The following SLC45A4 variants were observed in gnomAD, a reference collection of about 807,000 sequenced individuals.
SLC45A4 encodes the protein polyamine-transporter SLC45A4.
SLC45A4 carries 32 observed loss-of-function variants against 63.7 expected under a neutral mutation model. The ratio of observed to expected loss-of-function variants is 0.50; its 90% confidence interval spans 0.38 to 0.67. SLC45A4 has a LOEUF of 0.67. Ranked by LOEUF, SLC45A4 falls within the 30% of genes least tolerant of loss-of-function variation. SLC45A4 has a pLI of 0.00. For synonymous variants in SLC45A4, 535 were observed against 510.0 expected, an observed-to-expected ratio of 1.05 and a Z score of -0.66; for missense variants, 1,027 against 1,157.7, an observed-to-expected ratio of 0.89 and a Z score of 1.64.
At chr8:141,243,700 T>C (rs58706622) in intron 2 of SLC45A4, among the ~76,000 whole-genome samples, 71,772 of 151,828 alleles carry the variant, frequency 0.47, 18,524 homozygotes, top group Non-Finnish European at 0.59. Flanking sequence ...GTACCGTCCA[T>C]TTACACAGAT....
rs12547917 is a variant in SLC45A4, at chr8:141,227,299, T to C, written c.242-5534A>G. 0.48 allele frequency among the ~76,000 whole-genome samples: 72,369 copies of C among 151,706 alleles called. 18,793 individuals are homozygous for C. Among genetic ancestry groups the C allele is most frequent in the Non-Finnish European group, 0.59 (40,033 of 67,902 alleles). On this transcript the variant is annotated intron_variant, in intron 2 of 8. Coordinates refer to ENST00000517878, the MANE Select transcript of SLC45A4 (RefSeq NM_001286646.2). The surrounding 1 kb of genome is among the most constrained non-coding windows in gnomAD (Gnocchi z 4.4). The stretch of plus-strand genomic sequence containing the variant: ...AGTGCCGTGTGTGATAAACTGGGAC[T>C]TTCTGGTGAGGGGAGACTGGCGGGG...
chr8:141,261,911 G>C, intron 1 of SLC45A4, among the ~76,000 whole-genome samples: 1 of 151,950 alleles, frequency 6.6e-6, no homozygotes, highest in Non-Finnish European at 1.5e-5. Flanking sequence ...AGCCTGCATC[G>C]CATCCTAAGC....
At chr8:141,276,395 T>A in intron 1 of SLC45A4, among the ~76,000 whole-genome samples, 1 of 152,102 alleles carries the variant, frequency 6.6e-6, no homozygotes, top group East Asian at 1.9e-4. Context: ...TGAAGCTCAG[T>A]AGGGAGAGCA....
chr8:141,269,191 C>T lies in SLC45A4; in HGVS notation c.-400-14562G>A, dbSNP rs531265390. 2.1e-4 allele frequency among the ~76,000 whole-genome samples: 32 copies of T among 152,362 alleles called. No homozygotes were observed. The South Asian group carries it at 6.6e-3, about 32-fold the overall frequency. On this transcript the variant is annotated intron_variant, in intron 1 of 8. Coordinates refer to ENST00000517878, the MANE Select transcript of SLC45A4 (RefSeq NM_001286646.2). ...TGGCGGGGCAGCTACTACGTCCCCGCTTTCACCCTCAAGAGTGTCCCAGTT... is the reference window on the plus strand; with the variant it reads ...TGGCGGGGCAGCTACTACGTCCCCGTTTTCACCCTCAAGAGTGTCCCAGTT...
At chr8:141,298,676 C>T (rs529122762) in intron 1 of SLC45A4, among the ~76,000 whole-genome samples, 12 of 152,306 alleles carry the variant, frequency 7.9e-5, no homozygotes, top group African/African-American at 2.6e-4. Context: ...GGCACAGCTG[C>T]CCATACCTGT....
intron 6 of SLC45A4, among the ~76,000 whole-genome samples, chr8:141,216,356 G>C: frequency 6.6e-6 from 1 of 152,282 alleles, no homozygotes; most frequent in Middle Eastern, 3.4e-3. Flanking sequence ...GTCCTGCCTC[G>C]GGAACACACA....
At chr8:141,212,084 A>C in intron 8 of SLC45A4, 113 bp downstream of exon 8, 1 of 1,414,304 alleles carries the variant, frequency 7.1e-7, no homozygotes, top group Non-Finnish European at 9.2e-7. Flanking sequence ...GGTCGGCCAC[A>C]GCATCTGCAG....
At chr8:141,245,568 G>C (rs957096377) in intron 2 of SLC45A4, among the ~76,000 whole-genome samples, 8 of 152,096 alleles carry the variant, frequency 5.3e-5, no homozygotes, top group Admixed American at 1.3e-4. Context: ...ACTCCCAGGA[G>C]ACCCCAAAAT....
At chr8:141,230,109 G>A (rs1490992612) in intron 2 of SLC45A4, 2 of 456,124 alleles carry the variant, frequency 4.4e-6, no homozygotes, top group Non-Finnish European at 8.8e-6. Flanking sequence ...GTCAGAGGCC[G>A]CATTAGACTA....
At position 141,211,168 on chromosome 8, in the gene SLC45A4, T is replaced by C; in HGVS notation, c.*404A>G. 1 of 346,980 alleles carries C rather than the reference T, an allele frequency of 2.9e-6. No homozygotes were observed. Among genetic ancestry groups the C allele is most frequent in the East Asian group, 4.4e-5 (1 of 22,654 alleles). The allele number at this position is 346,980 out of a possible 1,614,324, so 21.5% of individuals were successfully genotyped here. ...GCGGGACTTGGGAGGCAGGGCCCGCTGGGAGCTCTGCTCTCAGGAATCCCC... is the reference window on the plus strand; with the variant it reads ...GCGGGACTTGGGAGGCAGGGCCCGCCGGGAGCTCTGCTCTCAGGAATCCCC... On this transcript the variant is annotated 3_prime_UTR_variant, in exon 9 of 9. Transcript: ENST00000517878.
At chr8:141,217,965 C>G in intron 5 of SLC45A4, 46 bp downstream of exon 5, 1 of 1,533,566 alleles carries the variant, frequency 6.5e-7, no homozygotes, top group African/African-American at 1.4e-5. Flanking sequence ...CCGTGAGCCG[C>G]AGGTGGGCAG....
intron 1 of SLC45A4, among the ~76,000 whole-genome samples, chr8:141,272,790 C>T (rs1482482391): frequency 6.6e-6 from 1 of 152,198 alleles, no homozygotes; most frequent in African/African-American, 2.4e-5. Flanking sequence ...CCCAAGCTCT[C>T]CCCCTTCCCT....
chr8:141,213,982 G>T (rs777045800), intron 7 of SLC45A4, among the ~76,000 whole-genome samples: 10 of 152,142 alleles, frequency 6.6e-5, no homozygotes, highest in Non-Finnish European at 1.2e-4. Context: ...CGAGACGGGT[G>T]GATCACCTGA....
chr8:141,215,769 T>C lies in SLC45A4; in HGVS notation c.1931A>G (p.Asp644Gly). 6.2e-7 allele frequency: 1 copy of C among 1,613,360 alleles called. No homozygotes were observed. The highest frequency in any genetic ancestry group is 8.5e-7 in the Non-Finnish European group (1 of 1,179,984). ...CPYALLGQYH[D>G]IKQYIHHSPG... Reference sequence around the variant, plus strand: ...CTACGGTGGACGCACCTGCTTGATGTCATGGTACTGGCCCAGCAGGGCGTA... The same window carrying C: ...CTACGGTGGACGCACCTGCTTGATGCCATGGTACTGGCCCAGCAGGGCGTA... The change falls in exon 7 of 9, where the codon GAC (aspartate) becomes GGC (glycine). Residue 644 changes from aspartate to glycine, a missense_variant. By Grantham distance (94) the Asp-to-Gly change is moderately conservative (BLOSUM62 -1). Transcript: ENST00000517878. This position sits in a 1 kb window ranked among gnomAD's most constrained non-coding sequence, Gnocchi z 4.3.
chr8:141,253,019 G>A (rs933182545), intron 2 of SLC45A4, among the ~76,000 whole-genome samples: 4 of 144,270 alleles, frequency 2.8e-5, no homozygotes, highest in Admixed American at 7.0e-5. Context: ...GTGAATTTCC[G>A]TGTTTTCACA....
At chr8:141,295,789 C>T (rs1264863821) in intron 1 of SLC45A4, among the ~76,000 whole-genome samples, 1 of 152,232 alleles carries the variant, frequency 6.6e-6, no homozygotes, top group African/African-American at 2.4e-5. Flanking sequence ...TGAGAAAAAA[C>T]AACTTCTCAA....
At chr8:141,249,972 G>A (rs769364141) in intron 2 of SLC45A4, among the ~76,000 whole-genome samples, 13 of 152,144 alleles carry the variant, frequency 8.5e-5, no homozygotes, top group South Asian at 8.3e-4. Context: ...ACAGTTTTAC[G>A]TGAACTCTGT....
chr8:141,258,084 A>C (rs1828881229), intron 1 of SLC45A4, among the ~76,000 whole-genome samples: 1 of 130,038 alleles, frequency 7.7e-6, no homozygotes, highest in African/African-American at 3.0e-5. Flanking sequence ...TTTTTTTTTA[A>C]CAATCCTTTA....
intron 2 of SLC45A4, among the ~76,000 whole-genome samples, chr8:141,222,815 G>A (rs191017814): frequency 6.6e-6 from 1 of 152,226 alleles, no homozygotes; most frequent in East Asian, 1.9e-4. Context: ...CTTGGGTGCC[G>A]GTTGCCCTTG....
Sources: allele counts gnomAD v4.1 joint callset (sites outside exome capture counted in the v4.1 genomes callset), GRCh38; gene constraint gnomAD v4.1.1; non-coding constraint Gnocchi (gnomAD v3.1); transcripts MANE v1.5; gene names NCBI Gene and HGNC (gene_info 2026-07-23, HGNC 2026-07-21).